BRF1: variants seen among roughly 807,000 people sequenced by gnomAD.
BRF1 encodes transcription factor IIIB 90 kDa subunit.
In BRF1, 59 loss-of-function variants were observed where a neutral mutation model predicts 81.7. The observed-to-expected ratio is 0.72, with a 90% CI of 0.59 to 0.90. The LOEUF (loss-of-function observed/expected upper bound fraction) is 0.90, where lower values mean the gene tolerates loss of function less well. BRF1 is among the 40% of genes least tolerant of loss of function. The pLI, the probability that BRF1 is intolerant of heterozygous loss-of-function variation, is 0.00. For synonymous variants in BRF1, 491 were observed against 395.6 expected (o/e 1.24, Z -2.86); for missense variants, 1,050 against 936.3 (o/e 1.12, Z -1.58).
chr14:105,302,206 T>TG (rs1367557323), upstream of BRF1, among the ~76,000 whole-genome samples: 1 of 146,244 alleles, frequency 6.8e-6, no homozygotes, highest in East Asian at 2.0e-4. Flanking sequence ...TTTTCTTTCT[T>TG]TTTTTTTTTT....
At chr14:105,241,057 C>A (rs587723440) in intron 6 of BRF1, among the ~76,000 whole-genome samples, 1 of 152,338 alleles carries the variant, frequency 6.6e-6, no homozygotes, top group Non-Finnish European at 1.5e-5. Flanking sequence ...GCCCCTTATG[C>A]CAGGACACGC....
chr14:105,226,911 C>A (rs1893192814), intron 7 of BRF1, 151 bp from the exon 8 acceptor site: 2 of 1,106,988 alleles, frequency 1.8e-6, no homozygotes, highest in Non-Finnish European at 2.6e-6. Flanking sequence ...GACTTTGAGA[C>A]CAGCCTAGGC....
Position 105,209,955 on chromosome 14 carries a change from G to A in BRF1, c.*596C>T, listed in dbSNP as rs587602338. The A allele has an allele frequency of 1.7e-4, 54 of 324,396 alleles. No individual in the cohort carries two copies. The highest frequency in any genetic ancestry group is 6.0e-4 in the African/African-American group (28 of 46,782). The allele number at this position is 324,396 out of a possible 1,614,324, so 20.1% of individuals were successfully genotyped here. A position where few individuals can be genotyped will look rare whatever the true frequency, so the allele number is the denominator to read the frequency against. Reference sequence around the variant, plus strand: ...AGGGGTGGGGGTGTCTGCCTCGGACGAGGCAGGTATCTGGATGCAGGGCCA... The same window carrying A: ...AGGGGTGGGGGTGTCTGCCTCGGACAAGGCAGGTATCTGGATGCAGGGCCA... On this transcript the variant is annotated 3_prime_UTR_variant, in exon 18 of 18. Transcript: ENST00000547530.
intron 3 of BRF1, among the ~76,000 whole-genome samples, chr14:105,257,971 A>G (rs587724820): frequency 9.2e-5 from 14 of 152,332 alleles, no homozygotes; most frequent in South Asian, 2.1e-4. Context: ...CACATATTGC[A>G]TATTTGTGAA....
intron 2 of BRF1, among the ~76,000 whole-genome samples, chr14:105,278,745 T>TA (rs199656041): frequency 0.013 from 1,920 of 144,426 alleles, 59 homozygotes; most frequent in Admixed American, 0.067. Flanking sequence ...CATCTCTATT[T>TA]AAAAAAAAAA....
chr14:105,247,982 G>A, intron 5 of BRF1: 1 of 985,490 alleles, frequency 1.0e-6, no homozygotes, highest in Non-Finnish European at 1.2e-6. Flanking sequence ...GAGGCAGGGC[G>A]CGCCCTGGGG....
At chr14:105,263,919 T>C (rs2140358325) in intron 3 of BRF1, among the ~76,000 whole-genome samples, 1 of 145,042 alleles carries the variant, frequency 6.9e-6, no homozygotes, top group Non-Finnish European at 1.5e-5. Context: ...AGTGAGACTC[T>C]GTCTCAAAAA....
At chr14:105,286,274 C>A (rs1446231172) in intron 2 of BRF1, 22 bp downstream of exon 2, 1 of 1,606,922 alleles carries the variant, frequency 6.2e-7, no homozygotes, top group Non-Finnish European at 8.5e-7. Flanking sequence ...GCACGCTCAG[C>A]AGCATCCGCG....
At chr14:105,228,662 C>G (rs2054206888) in intron 7 of BRF1, among the ~76,000 whole-genome samples, 158 bp downstream of exon 7, 1 of 152,164 alleles carries the variant, frequency 6.6e-6, no homozygotes, top group African/African-American at 2.4e-5. Context: ...ACCAGCACGT[C>G]CAAGCCATAG....
chr14:105,241,866 C>A, intron 5 of BRF1: 1 of 213,576 alleles, frequency 4.7e-6, no homozygotes, highest in Non-Finnish European at 9.7e-6. Flanking sequence ...CTTCTGGCAT[C>A]TCTACCAGCA....
intron 15 of BRF1, chr14:105,213,098 G>A (rs587717651): frequency 6.6e-6 from 1 of 152,496 alleles, no homozygotes; most frequent in African/African-American, 2.4e-5. Context: ...CCTGCTTCCT[G>A]GAGCCTGACA....
In BRF1 at chr14:105,226,024, G is replaced by C. The variant is rs183581104; in HGVS notation, c.1048+45C>G. ...CCTGAAGAGATCTGCTGAGACTCTA[G>C]CACATTTTAAAGGTCTGAATAGGGG... On this transcript the variant is annotated intron_variant, in intron 10 of 17. Coordinates refer to ENST00000547530, the MANE Select transcript of BRF1 (RefSeq NM_001519.4). 16 of 1,527,528 alleles carry C rather than the reference G, an allele frequency of 1.0e-5. No homozygotes were observed. The African/African-American group carries it at 1.8e-4, about 17-fold the overall frequency. 94.6% of individuals were successfully genotyped at this position (1,527,528 alleles called of 1,614,324 possible). A position where few individuals can be genotyped will look rare whatever the true frequency, so the allele number is the denominator to read the frequency against.
rs8019300 is a variant in BRF1, at chr14:105,219,500, C to G, written c.1378-268G>C. 1,298 of 639,702 alleles carry G rather than the reference C, an allele frequency of 2.0e-3. 14 individuals are homozygous for G. The African/African-American group carries it at 0.021, about 10-fold the overall frequency. 39.6% of individuals were successfully genotyped at this position (639,702 alleles called of 1,614,324 possible). A position where few individuals can be genotyped will look rare whatever the true frequency, so the allele number is the denominator to read the frequency against. ...TGCAAGCCCTGCCGGCACCAGGACCCTGGCCAGCCAGAGTGCAGGCCACAG... is the reference window on the plus strand; with the variant it reads ...TGCAAGCCCTGCCGGCACCAGGACCGTGGCCAGCCAGAGTGCAGGCCACAG... On this transcript the variant is annotated intron_variant, in intron 12 of 17. Transcript: ENST00000547530.
intron 15 of BRF1, among the ~76,000 whole-genome samples, chr14:105,216,597 G>C (rs935998088): frequency 6.6e-6 from 1 of 152,188 alleles, no homozygotes; most frequent in African/African-American, 2.4e-5. Context: ...CCAGGGGAGG[G>C]GCAGGGGCAG....
intron 7 of BRF1, chr14:105,228,112 TC>T (rs1267769441): frequency 6.6e-6 from 1 of 152,228 alleles, no homozygotes; most frequent in African/African-American, 2.4e-5. Context: ...CTTATGGCAC[TC>T]CGGCTTCTCA....
upstream of BRF1, among the ~76,000 whole-genome samples, chr14:105,304,707 C>G (rs2058130801): frequency 1.3e-5 from 2 of 152,176 alleles, no homozygotes; most frequent in Non-Finnish European, 2.9e-5. Context: ...TTTATTGGAC[C>G]TGTAGTTCCA....
Position 105,261,103 on chromosome 14 carries a change from C to A in BRF1, c.440-4554G>T, listed in dbSNP as rs146383095. 1.8e-4 allele frequency among the ~76,000 whole-genome samples: 28 copies of A among 152,340 alleles called. 1 individual carries two copies. The East Asian group carries it at 5.4e-3, about 29-fold the overall frequency. On this transcript the variant is annotated intron_variant, in intron 3 of 17. Coordinates refer to ENST00000547530, the MANE Select transcript of BRF1 (RefSeq NM_001519.4). Reference sequence around the variant, plus strand: ...GCAGAGAAGAGGCCCTGTCTGCGGCCCCCAGGGTGCGAAAGCCTGGATTCT... The same window carrying A: ...GCAGAGAAGAGGCCCTGTCTGCGGCACCCAGGGTGCGAAAGCCTGGATTCT...
chr14:105,244,703 A>T (rs905267743), intron 5 of BRF1, among the ~76,000 whole-genome samples: 1 of 152,102 alleles, frequency 6.6e-6, no homozygotes, highest in African/African-American at 2.4e-5. Context: ...ATAATAGGGG[A>T]TTTTAACATG....
chr14:105,245,429 T>G (rs1000936649), intron 5 of BRF1, among the ~76,000 whole-genome samples: 5 of 151,830 alleles, frequency 3.3e-5, no homozygotes, highest in Non-Finnish European at 5.9e-5. Flanking sequence ...AAACTAAAAA[T>G]TAACAAAATT....
Sources: allele counts gnomAD v4.1 joint callset (sites outside exome capture counted in the v4.1 genomes callset), GRCh38; gene constraint gnomAD v4.1.1; transcripts MANE v1.5; gene names NCBI Gene and HGNC (gene_info 2026-07-23, HGNC 2026-07-21).